The following ADCY7 variants were observed in gnomAD, a reference collection of about 807,000 sequenced individuals.
ADCY7 encodes adenylate cyclase 7, also known as adenylate cyclase type 7.
In ADCY7, 72 loss-of-function variants were observed where a neutral mutation model predicts 120.6. The observed-to-expected ratio is 0.60, with a 90% CI of 0.49 to 0.73. ADCY7 has a LOEUF of 0.73. Among genes scored for constraint, ADCY7 ranks in the 30% least tolerant of loss-of-function variants. The pLI, the probability that ADCY7 is intolerant of heterozygous loss-of-function variation, is 0.00. For synonymous variants in ADCY7, 661 were observed against 628.0 expected (o/e 1.05, Z -0.78); for missense variants, 1,227 against 1,486.0 (o/e 0.83, Z 2.87).
chr16:50,317,752 T>C lies in ADCY7; in HGVS notation c.*2247T>C, dbSNP rs1212061566. The stretch of plus-strand genomic sequence containing the variant: ...TTACCAAGTAATTACTGGTGTCATT[T>C]TGTTTTATGACAGACACACGTATCT... On this transcript the variant is annotated 3_prime_UTR_variant, in exon 26 of 26. Coordinates refer to ENST00000673801, the MANE Select transcript of ADCY7 (RefSeq NM_001114.5). 2.6e-5 allele frequency: 4 copies of C among 152,392 alleles called. No individual in the cohort carries two copies. The highest frequency in any genetic ancestry group is 4.4e-5 in the Non-Finnish European group (3 of 68,034). 9.4% of individuals were successfully genotyped at this position (152,392 alleles called of 1,614,324 possible).
chr16:50,260,873 T>C (rs1362636923), intron 1 of ADCY7, among the ~76,000 whole-genome samples: 1 of 152,174 alleles, frequency 6.6e-6, no homozygotes, highest in Non-Finnish European at 1.5e-5. Flanking sequence ...GCTTCTGAGA[T>C]CTTTCATGAT....
At chr16:50,286,587 A>G (rs2034599034) in intron 1 of ADCY7, among the ~76,000 whole-genome samples, 1 of 152,024 alleles carries the variant, frequency 6.6e-6, no homozygotes, top group Admixed American at 6.5e-5. Flanking sequence ...ATGTCCCCAA[A>G]TCTCAGGGCT....
chr16:50,287,809 A>C (rs571385121), intron 1 of ADCY7, 103 bp from the exon 2 acceptor site: 1 of 230,710 alleles, frequency 4.3e-6, no homozygotes, highest in African/African-American at 2.3e-5. Flanking sequence ...AAGATGGATA[A>C]ATCAGACTTG....
At chr16:50,307,747 C>T (rs752054611) in intron 15 of ADCY7, among the ~76,000 whole-genome samples, 12 of 152,268 alleles carry the variant, frequency 7.9e-5, no homozygotes, top group South Asian at 6.2e-4. Context: ...CCTGTAATCC[C>T]AGCACTTTGG....
At chr16:50,287,741 C>T (rs1191477905) in intron 1 of ADCY7, 171 bp from the exon 2 acceptor site, 1 of 157,388 alleles carries the variant, frequency 6.4e-6, no homozygotes, top group Admixed American at 6.5e-5. Context: ...CAGTGCAGTC[C>T]TAGAAGACAC....
intron 1 of ADCY7, among the ~76,000 whole-genome samples, chr16:50,286,559 C>T (rs867247036): frequency 6.6e-6 from 1 of 152,144 alleles, no homozygotes; most frequent in South Asian, 2.1e-4. Flanking sequence ...CCTTCCCTTC[C>T]CATTGGGGGC....
intron 1 of ADCY7, among the ~76,000 whole-genome samples, chr16:50,267,117 A>T (rs2150817264): frequency 6.6e-6 from 1 of 152,362 alleles, no homozygotes; most frequent in East Asian, 1.9e-4. Context: ...TATAAAACAA[A>T]AAACAAACAA....
chr16:50,308,110 A>G (rs921282982), intron 15 of ADCY7, among the ~76,000 whole-genome samples: 3 of 152,200 alleles, frequency 2.0e-5, no homozygotes, highest in Admixed American at 2.0e-4. Flanking sequence ...CTTGGACCAA[A>G]AAGAGTGATA....
At chr16:50,268,265 A>T (rs2033343078) in intron 1 of ADCY7, among the ~76,000 whole-genome samples, 2 of 151,886 alleles carry the variant, frequency 1.3e-5, no homozygotes, top group Non-Finnish European at 2.9e-5. Context: ...ACACCTGGCT[A>T]ATTTTTGTAT....
chr16:50,299,041 G>A lies in ADCY7; in HGVS notation c.1076+10G>A, dbSNP rs1406507676. ...TGTGCCAGGCCATCAAGTAGGTCCTGGGCGGGCCCAGGCCCTGGGTCCTGC... is the reference window on the plus strand; with the variant it reads ...TGTGCCAGGCCATCAAGTAGGTCCTAGGCGGGCCCAGGCCCTGGGTCCTGC... On this transcript the variant is annotated intron_variant, in intron 8 of 25. Transcript: ENST00000673801. The A allele has an allele frequency of 6.2e-7, 1 of 1,605,520 alleles. No individual in the cohort carries two copies. The highest frequency in any genetic ancestry group is 8.5e-7 in the Non-Finnish European group (1 of 1,177,682).
At chr16:50,309,737 G>A in intron 18 of ADCY7, 91 bp downstream of exon 18, 1 of 1,125,886 alleles carries the variant, frequency 8.9e-7, no homozygotes. Flanking sequence ...CATGGGTGCT[G>A]ACCCCTGAGA....
chr16:50,304,649 TCCCC>T, intron 11 of ADCY7, 98 bp downstream of exon 11: 1 of 1,284,334 alleles, frequency 7.8e-7, no homozygotes, highest in South Asian at 1.4e-5. Context: ...AGCCTCACTG[TCCCC>T]ATCTGTAAAA....
intron 1 of ADCY7, among the ~76,000 whole-genome samples, chr16:50,283,809 G>A (rs1204274812): frequency 6.6e-6 from 1 of 152,200 alleles, no homozygotes; most frequent in African/African-American, 2.4e-5. Flanking sequence ...GGGTGAGGGA[G>A]TGACAGGGAG....
Position 50,305,885 on chromosome 16 carries a change from G to A in ADCY7, c.1752+36G>A, listed in dbSNP as rs568447710. Reference sequence around the variant, plus strand: ...CCAGCAGCCTCCTCCGCAGAGGGACGGGGTCTCCAGGCCTGGGGTAGGGTG... The same window carrying A: ...CCAGCAGCCTCCTCCGCAGAGGGACAGGGTCTCCAGGCCTGGGGTAGGGTG... On this transcript the variant is annotated intron_variant, in intron 14 of 25. Transcript: ENST00000673801. The A allele has an allele frequency of 8.6e-5, 138 of 1,602,286 alleles. 1 individual carries two copies. The highest frequency in any genetic ancestry group is 7.8e-4 in the South Asian group (71 of 90,860).
chr16:50,284,164 C>T (rs1387157273), intron 1 of ADCY7, among the ~76,000 whole-genome samples: 1 of 152,068 alleles, frequency 6.6e-6, no homozygotes, highest in Admixed American at 6.5e-5. Flanking sequence ...TGGGGACATG[C>T]CACTGGTGGT....
At chr16:50,308,140 C>T (rs2036202831) in intron 15 of ADCY7, among the ~76,000 whole-genome samples, 187 bp from the exon 16 acceptor site, 1 of 152,160 alleles carries the variant, frequency 6.6e-6, no homozygotes, top group African/African-American at 2.4e-5. Flanking sequence ...CCTCAATCTT[C>T]ATAATCTAGC....
At chr16:50,292,533 C>A in intron 4 of ADCY7, 143 bp from the exon 5 acceptor site, 2 of 1,035,664 alleles carry the variant, frequency 1.9e-6, no homozygotes, top group Non-Finnish European at 2.8e-6. Flanking sequence ...GTTTCCCTGT[C>A]TGCCCCAGGA....
chr16:50,305,653 C>T (rs1184224656), intron 13 of ADCY7, 67 bp downstream of exon 13: 1 of 1,523,684 alleles, frequency 6.6e-7, no homozygotes, highest in Non-Finnish European at 9.1e-7. Flanking sequence ...CCTATATGGG[C>T]AGGCCCATCT....
rs548812194 is a variant in ADCY7 at position 50,304,400 on chromosome 16, C to T, written c.1409C>T (p.Pro470Leu). Residue 470 changes from proline (P) to leucine (L), a missense_variant, in exon 11 of 26, where the codon CCC (proline) becomes CTC (leucine). Coordinates refer to ENST00000673801, the MANE Select transcript of ADCY7 (RefSeq NM_001114.5). ...PPPPSQHLPR[P>L]KGDAALKMRA... Reference sequence around the variant, plus strand: ...CCGCCCAGCCAACACCTCCCCAGGCCCAAGGGGGACGCGGCCCTGAAGATG... The same window carrying T: ...CCGCCCAGCCAACACCTCCCCAGGCTCAAGGGGGACGCGGCCCTGAAGATG... The T allele has an allele frequency of 6.3e-7, 1 of 1,585,296 alleles. No individual in the cohort carries two copies. The highest frequency in any genetic ancestry group is 2.3e-5 in the East Asian group (1 of 44,274).
Sources: allele counts gnomAD v4.1 joint callset (sites outside exome capture counted in the v4.1 genomes callset), GRCh38; gene constraint gnomAD v4.1.1; transcripts MANE v1.5; gene names NCBI Gene and HGNC (gene_info 2026-07-23, HGNC 2026-07-21).